PLEKHA5: variants seen among roughly 807,000 people sequenced by gnomAD.
PLEKHA5 encodes the protein pleckstrin homology domain containing A5, also known as pleckstrin homology domain-containing family A member 5.
Under a neutral mutation model 181.9 loss-of-function variants are expected in PLEKHA5, and 55 were observed. The ratio of observed to expected loss-of-function variants is 0.30; its 90% CI spans 0.24 to 0.38. The LOEUF (loss-of-function observed/expected upper bound fraction) is 0.38, where lower values mean the gene tolerates loss of function less well. Ranked by LOEUF, PLEKHA5 falls within the 10% of genes least tolerant of loss-of-function variation. The pLI is 1.00. For synonymous variants in PLEKHA5, 535 were observed against 529.4 expected (o/e 1.01, Z -0.15); for missense variants, 1,432 against 1,549.5 (o/e 0.92, Z 1.27).
At chr12:19,240,651 T>G (rs202186865) in intron 3 of PLEKHA5, among the ~76,000 whole-genome samples, 1 of 150,760 alleles carries the variant, frequency 6.6e-6, no homozygotes, top group East Asian at 1.9e-4. Flanking sequence ...ATTATTTTTT[T>G]TTAAGAGACA....
At chr12:19,358,927 TG>T (rs1283918446) in intron 27 of PLEKHA5, among the ~76,000 whole-genome samples, 2 of 152,226 alleles carry the variant, frequency 1.3e-5, no homozygotes, top group African/African-American at 4.8e-5. Flanking sequence ...GATGCCATTT[TG>T]TTTCTTTTTG....
intron 10 of PLEKHA5, among the ~76,000 whole-genome samples, chr12:19,274,156 A>G (rs535756420): frequency 3.9e-5 from 6 of 152,376 alleles, no homozygotes; most frequent in African/African-American, 1.4e-4. Context: ...GCTGGGAGCC[A>G]TGTGGCTCCT....
At position 19,274,983 on chromosome 12, in the gene PLEKHA5, GGTAA is replaced by G; in HGVS notation, c.1313+3_1313+6del. The G allele has an allele frequency of 6.3e-7, 1 of 1,593,748 alleles. No homozygotes were observed. Among genetic ancestry groups the G allele is most frequent in the African/African-American group, 1.3e-5 (1 of 74,742 alleles). On this transcript the variant is annotated splice_donor_variant and splice_donor_region_variant and intron_variant, in intron 11 of 31. Transcript: ENST00000429027. LOFTEE classifies it high-confidence loss of function. ...AGGGGTCATGAAGAAGAAACCAGGGGGTAAGTGTCTGTCTTGTCATTATGAACCC... is the reference window on the plus strand; with the variant it reads ...AGGGGTCATGAAGAAGAAACCAGGGGGTGTCTGTCTTGTCATTATGAACCC...
At chr12:19,330,227 A>G (rs1592515042) in intron 20 of PLEKHA5, among the ~76,000 whole-genome samples, 1 of 152,192 alleles carries the variant, frequency 6.6e-6, no homozygotes, top group Admixed American at 6.6e-5. Context: ...GTTTCATTGA[A>G]AACATTAGAG....
At chr12:19,157,460 T>C (rs1039188390) in intron 3 of PLEKHA5, among the ~76,000 whole-genome samples, 1 of 152,116 alleles carries the variant, frequency 6.6e-6, no homozygotes, top group South Asian at 2.1e-4. Flanking sequence ...ACATACTGCA[T>C]GCTAATAAGT....
At chr12:19,339,754 G>A (rs2093716075) in intron 21 of PLEKHA5, among the ~76,000 whole-genome samples, 1 of 152,052 alleles carries the variant, frequency 6.6e-6, no homozygotes, top group South Asian at 2.1e-4. Context: ...TACAGCCTTA[G>A]ACCAGTTACA....
intron 3 of PLEKHA5, among the ~76,000 whole-genome samples, chr12:19,230,024 C>CCA (rs556378891): frequency 5.7e-4 from 87 of 152,074 alleles, no homozygotes; most frequent in East Asian, 3.5e-3. Flanking sequence ...TAAAGGTTCT[C>CCA]CAAGTCCGCA....
At chr12:19,152,900 A>C (rs1022622973) in intron 3 of PLEKHA5, 1 of 152,020 alleles carries the variant, frequency 6.6e-6, no homozygotes, top group East Asian at 1.9e-4. Context: ...ACTCTCCTAC[A>C]TTGTAGCTTA....
At chr12:19,298,116 T>G (rs2080396804) in intron 15 of PLEKHA5, among the ~76,000 whole-genome samples, 2 of 151,964 alleles carry the variant, frequency 1.3e-5, no homozygotes, top group Non-Finnish European at 1.5e-5. Flanking sequence ...GGAGAATTGC[T>G]TGAACCTGGG....
intron 6 of PLEKHA5, among the ~76,000 whole-genome samples, chr12:19,260,360 G>T (rs887803849): frequency 5.9e-5 from 9 of 152,150 alleles, no homozygotes; most frequent in African/African-American, 1.7e-4. Flanking sequence ...TGTTTGTGTT[G>T]AGAAGAGTGA....
At chr12:19,220,655 A>G (rs2058805076) in intron 3 of PLEKHA5, among the ~76,000 whole-genome samples, 1 of 152,198 alleles carries the variant, frequency 6.6e-6, no homozygotes, top group Admixed American at 6.5e-5. Context: ...GCTGCTTTTA[A>G]AAAGAAAACT....
chr12:19,321,797 TGTCATTATGCCATA>T (rs2090939337), intron 18 of PLEKHA5: 2 of 152,262 alleles, frequency 1.3e-5, no homozygotes, highest in South Asian at 4.1e-4. Context: ...CTTGCTTATG[TGTCATTATGCCATA>T]AAGTTGGGGA....
chr12:19,206,577 G>C (rs1282031763), intron 3 of PLEKHA5, among the ~76,000 whole-genome samples: 5 of 151,684 alleles, frequency 3.3e-5, no homozygotes, highest in Admixed American at 6.6e-5. Context: ...AAAATGATGT[G>C]GGGGGTGGGA....
chr12:19,293,951 G>A (rs2079112653), intron 15 of PLEKHA5, among the ~76,000 whole-genome samples: 1 of 152,122 alleles, frequency 6.6e-6, no homozygotes. Flanking sequence ...ACATCCTAAT[G>A]TGTTATTGAT....
intron 15 of PLEKHA5, among the ~76,000 whole-genome samples, chr12:19,300,426 A>G (rs1356214793): frequency 6.6e-6 from 1 of 152,246 alleles, no homozygotes; most frequent in African/African-American, 2.4e-5. Flanking sequence ...ACAAAATATT[A>G]TAAATACTAT....
At chr12:19,160,780 T>G (rs1339835150) in intron 3 of PLEKHA5, among the ~76,000 whole-genome samples, 1 of 152,144 alleles carries the variant, frequency 6.6e-6, no homozygotes, top group Admixed American at 6.5e-5. Flanking sequence ...TAAACAGTGC[T>G]GGGTCAATGT....
chr12:19,254,166 T>C lies in PLEKHA5; in HGVS notation c.311+143T>C, dbSNP rs145833684. 18 of 635,642 alleles carry C rather than the reference T, an allele frequency of 2.8e-5. No homozygotes were observed. In the East Asian group the frequency reaches 4.4e-4, roughly 16 times the overall value. 39.4% of individuals were successfully genotyped at this position (635,642 alleles called of 1,614,324 possible). ...AACAGAATGCCAGCTGTTCACAATG[T>C]GTCATATAGAAACCTGAGTTAAACA... is the stretch of plus-strand genomic sequence containing the variant. On this transcript the variant is annotated intron_variant, in intron 4 of 31. Coordinates refer to ENST00000429027, the MANE Select transcript of PLEKHA5 (RefSeq NM_001256470.2).
At chr12:19,318,856 G>A (rs893795394) in intron 16 of PLEKHA5, among the ~76,000 whole-genome samples, 29 of 152,128 alleles carry the variant, frequency 1.9e-4, no homozygotes, top group African/African-American at 6.8e-4. Context: ...TGGAGGCAGA[G>A]GTTGCAATGA....
chr12:19,335,895 G>A (rs2093388187), intron 20 of PLEKHA5, among the ~76,000 whole-genome samples: 1 of 151,990 alleles, frequency 6.6e-6, no homozygotes, highest in Non-Finnish European at 1.5e-5. Context: ...GCCTCCCAAA[G>A]TGCTGAGATT....
Sources: allele counts gnomAD v4.1 joint callset (sites outside exome capture counted in the v4.1 genomes callset), GRCh38; gene constraint gnomAD v4.1.1; transcripts MANE v1.5; gene names NCBI Gene and HGNC (gene_info 2026-07-23, HGNC 2026-07-21).